The following WWOX variants were observed in gnomAD, a reference collection of about 807,000 sequenced individuals.
WWOX encodes WW domain-containing oxidoreductase.
WWOX carries 69 observed loss-of-function variants against 46.2 expected under a neutral mutation model. The observed-to-expected ratio is 1.49, with a 90% CI of 1.23 to 1.82. WWOX has a LOEUF of 1.82. WWOX is among the 40% of genes most tolerant of loss of function. The pLI, the probability that WWOX is intolerant of heterozygous loss-of-function variation, is 0.00. For missense variants in WWOX, 919 were observed against 542.6 expected (o/e 1.69, Z -6.89); for synonymous variants, 359 against 202.6 (o/e 1.77, Z -6.56).
chr16:78,867,778 T>C (rs1283216494), intron 8 of WWOX, among the ~76,000 whole-genome samples: 1 of 152,156 alleles, frequency 6.6e-6, no homozygotes, highest in Non-Finnish European at 1.5e-5. Flanking sequence ...ATTTTTATAC[T>C]GCCAATCTGA....
intron 8 of WWOX, among the ~76,000 whole-genome samples, chr16:78,563,849 C>T (rs2673779): frequency 0.41 from 62,116 of 151,626 alleles, 15,270 homozygotes; most frequent in African/African-American, 0.7. Context: ...TTGTAGATCT[C>T]GCCCTCCAAA....
chr16:78,603,949 CT>C (rs1453674103), intron 8 of WWOX, among the ~76,000 whole-genome samples: 4 of 151,876 alleles, frequency 2.6e-5, no homozygotes, highest in Non-Finnish European at 5.9e-5. Context: ...CAAGATCAGC[CT>C]GGGTAACATA....
intron 4 of WWOX, among the ~76,000 whole-genome samples, chr16:78,162,300 C>G (rs1254580377): frequency 6.6e-6 from 1 of 152,086 alleles, no homozygotes. Flanking sequence ...AACTATCAGT[C>G]TTGTAGCTAC....
chr16:78,851,113 T>C (rs2052432751), intron 8 of WWOX, among the ~76,000 whole-genome samples: 1 of 152,194 alleles, frequency 6.6e-6, no homozygotes, highest in African/African-American at 2.4e-5. Context: ...CTGTGGTATT[T>C]ACCTTGATGA....
chr16:78,619,579 C>T (rs1022415461), intron 8 of WWOX, among the ~76,000 whole-genome samples: 4 of 151,764 alleles, frequency 2.6e-5, no homozygotes, highest in African/African-American at 7.3e-5. Flanking sequence ...TTGTTAAATA[C>T]AGAAGTAAAT....
intron 8 of WWOX, among the ~76,000 whole-genome samples, chr16:78,590,510 A>G (rs1321655584): frequency 6.6e-6 from 1 of 152,228 alleles, no homozygotes; most frequent in East Asian, 1.9e-4. Flanking sequence ...AAAGGTTTTT[A>G]GGGAGCAGAT....
At chr16:78,653,615 T>C (rs1471521106) in intron 8 of WWOX, among the ~76,000 whole-genome samples, 1 of 152,186 alleles carries the variant, frequency 6.6e-6, no homozygotes, top group Non-Finnish European at 1.5e-5. Flanking sequence ...CCAGCTTGGG[T>C]TTGGACAACC....
intron 8 of WWOX, among the ~76,000 whole-genome samples, chr16:78,587,031 T>G (rs553115072): frequency 2.6e-5 from 4 of 152,158 alleles, no homozygotes; most frequent in African/African-American, 9.6e-5. Context: ...ATTTAGTTAG[T>G]GTTCCTTTTT....
intron 5 of WWOX, among the ~76,000 whole-genome samples, chr16:78,181,753 G>C (rs1401796407): frequency 1.3e-5 from 2 of 152,076 alleles, no homozygotes; most frequent in Non-Finnish European, 1.5e-5. Flanking sequence ...TTTTCTATTG[G>C]AAGCATTCAT....
chr16:78,387,481 C>A (rs2151934581), intron 6 of WWOX, among the ~76,000 whole-genome samples: 1 of 151,988 alleles, frequency 6.6e-6, no homozygotes, highest in Admixed American at 6.6e-5. Flanking sequence ...TTTCAAAATT[C>A]CAGTTGGAGA....
intron 8 of WWOX, among the ~76,000 whole-genome samples, chr16:79,025,347 G>A (rs1047926546): frequency 6.6e-6 from 1 of 152,162 alleles, no homozygotes; most frequent in South Asian, 2.1e-4. Flanking sequence ...CTGGAACCTA[G>A]ACATTTGAGA....
chr16:78,975,391 A>C (rs1425924952), intron 8 of WWOX, among the ~76,000 whole-genome samples: 1 of 151,912 alleles, frequency 6.6e-6, no homozygotes, highest in African/African-American at 2.4e-5. Context: ...TTGCAACAAA[A>C]TCTTACGTGG....
chr16:78,289,821 C>A (rs895040111), intron 5 of WWOX, among the ~76,000 whole-genome samples: 2 of 151,974 alleles, frequency 1.3e-5, no homozygotes, highest in Non-Finnish European at 2.9e-5. Context: ...TAGAGAGAAA[C>A]GCCGTTTGCT....
chr16:78,334,488 C>G (rs1412643948), intron 5 of WWOX, among the ~76,000 whole-genome samples: 1 of 152,142 alleles, frequency 6.6e-6, no homozygotes, highest in Non-Finnish European at 1.5e-5. Flanking sequence ...TTACACAATT[C>G]ATAGCCTAAT....
chr16:78,955,622 T>C (rs1325632354), intron 8 of WWOX, among the ~76,000 whole-genome samples: 1 of 152,078 alleles, frequency 6.6e-6, no homozygotes, highest in Non-Finnish European at 1.5e-5. Context: ...TTTTTTATTT[T>C]CTTGTTTCTT....
intron 8 of WWOX, among the ~76,000 whole-genome samples, chr16:78,664,140 TA>T (rs1196804722): frequency 6.6e-6 from 1 of 152,090 alleles, no homozygotes; most frequent in Admixed American, 6.6e-5. Flanking sequence ...ACCCTGGAGT[TA>T]AAGAGAGCAA....
At chr16:78,567,120 C>A (rs1277225873) in intron 8 of WWOX, among the ~76,000 whole-genome samples, 2 of 152,138 alleles carry the variant, frequency 1.3e-5, no homozygotes, top group Non-Finnish European at 2.9e-5. Context: ...TTCAGAATGA[C>A]CCAGTAAAGA....
intron 8 of WWOX, among the ~76,000 whole-genome samples, chr16:79,072,354 A>C (rs2048567456): frequency 6.6e-6 from 1 of 152,172 alleles, no homozygotes; most frequent in South Asian, 2.1e-4. Context: ...GTCCTGGGTC[A>C]CATTTCCTGC....
chr16:78,452,115 G>C (rs1415947689), intron 8 of WWOX, among the ~76,000 whole-genome samples: 2 of 152,148 alleles, frequency 1.3e-5, no homozygotes, highest in African/African-American at 4.8e-5. Flanking sequence ...TTAATAAAAT[G>C]ATTTATGTTG....
Sources: gnomAD v4.1 joint callset for allele counts (sites outside exome capture counted in the v4.1 genomes callset) on GRCh38, gnomAD v4.1.1 for gene constraint, MANE v1.5 for transcripts, NCBI Gene and HGNC (gene_info 2026-07-23, HGNC 2026-07-21) for gene names.